BCL11A: variants seen among roughly 807,000 people sequenced by gnomAD.
BCL11A encodes BCL11 transcription factor A, also known as B cell CLL/lymphoma 11A.
In BCL11A, 2 loss-of-function variants were observed where a neutral mutation model predicts 55.9. The ratio of observed to expected loss-of-function variants is 0.04; its 90% CI spans 0.01 to 0.11. The LOEUF (loss-of-function observed/expected upper bound fraction) is 0.11. BCL11A is among the 10% of genes least tolerant of loss of function. The pLI, the probability that BCL11A is intolerant of heterozygous loss-of-function variation, is 1.00. For missense variants in BCL11A, 817 were observed against 1,137.1 expected, an observed-to-expected ratio of 0.72 and a Z score of 4.05; for synonymous variants, 465 against 473.4, an observed-to-expected ratio of 0.98 and a Z score of 0.23.
rs368977479 is a variant in BCL11A at position 60,468,769 on chromosome 2, C to T, written c.450G>A (p.Thr150=). The T allele has an allele frequency of 3.9e-5, 63 of 1,610,688 alleles. No individual in the cohort carries two copies. Among genetic ancestry groups the T allele is most frequent in the East Asian group, 8.9e-5 (4 of 44,754 alleles). Reference sequence around the variant, plus strand: ...GGGCATATTCTGCACTCATCCCAGGCGTGGGGATTAGAGCTCCATGTGCAG... The same window carrying T: ...GGGCATATTCTGCACTCATCCCAGGTGTGGGGATTAGAGCTCCATGTGCAG... The part of the protein sequence containing the change: ...PRSAHGALIP[T]PGMSAEYAPQ... Residue 150 remains threonine (T), a synonymous_variant, in exon 3 of 4, where the codon ACG becomes ACA. Transcript: ENST00000642384.
intron 2 of BCL11A, among the ~76,000 whole-genome samples, chr2:60,519,689 T>C (rs543605965): frequency 3.9e-5 from 6 of 152,314 alleles, no homozygotes; most frequent in African/African-American, 1.4e-4. Flanking sequence ...ATCTTGTAGA[T>C]TTCTGAGGCC....
chr2:60,459,192 G>C lies in BCL11A; in HGVS notation c.*1212C>G. Reference sequence around the variant, plus strand: ...ATTGTCAGCCTCTTCCTTTCAATATGGTATACAAGGTCTTAAAGTTTATCA... The same window carrying C: ...ATTGTCAGCCTCTTCCTTTCAATATCGTATACAAGGTCTTAAAGTTTATCA... On this transcript the variant is annotated 3_prime_UTR_variant, in exon 4 of 4. Transcript: ENST00000642384. 9.8e-7 allele frequency: 1 copy of C among 1,021,828 alleles called. No homozygotes were observed. Among genetic ancestry groups the C allele is most frequent in the Non-Finnish European group, 1.2e-6 (1 of 851,226 alleles). The allele number at this position is 1,021,828 out of a possible 1,614,324, so 63.3% of individuals were successfully genotyped here. A position where few individuals can be genotyped will look rare whatever the true frequency, so the allele number is the denominator to read the frequency against.
rs200397209 is a variant in BCL11A, at chr2:60,521,127, AC to A, written c.385+24843del. Among the ~76,000 whole-genome samples the A allele has an allele frequency of 1.2e-3, 184 of 151,958 alleles. 5 individuals carry two copies. In the East Asian group the frequency reaches 0.032, roughly 26 times the overall value. On this transcript the variant is annotated intron_variant, in intron 2 of 3. Transcript: ENST00000642384. ...CACACACACACACACACACACACTC[AC>A]ACAAATCCTTGAGGGTGCCAGGTTA... is the stretch of plus-strand genomic sequence containing the variant.
chr2:60,472,391 A>C, intron 2 of BCL11A, among the ~76,000 whole-genome samples: 1 of 152,098 alleles, frequency 6.6e-6, no homozygotes, highest in East Asian at 1.9e-4. Context: ...TCTTTTTTCA[A>C]ATGTCTTACA....
intron 1 of BCL11A, among the ~76,000 whole-genome samples, chr2:60,552,533 G>T (rs1670458000): frequency 1.3e-5 from 2 of 152,194 alleles, no homozygotes; most frequent in Admixed American, 1.3e-4. Context: ...TGCCGGCCGC[G>T]TCTCCCGTCC....
At chr2:60,469,830 G>GGA (rs1677100702) in intron 2 of BCL11A, among the ~76,000 whole-genome samples, 1 of 152,198 alleles carries the variant, frequency 6.6e-6, no homozygotes, top group Non-Finnish European at 1.5e-5. Context: ...GAGACAGACT[G>GGA]GAGGATAGAT....
At chr2:60,471,579 C>T (rs971924000) in intron 2 of BCL11A, among the ~76,000 whole-genome samples, 5 of 152,206 alleles carry the variant, frequency 3.3e-5, no homozygotes, top group African/African-American at 4.8e-5. Context: ...TGCTTCTGAG[C>T]GTCAAACTCG....
intron 3 of BCL11A, among the ~76,000 whole-genome samples, chr2:60,462,765 T>C (rs1676388190): frequency 6.6e-6 from 1 of 152,208 alleles, no homozygotes; most frequent in South Asian, 2.1e-4. Flanking sequence ...CAGCTGTAGT[T>C]TGGGGCAAGC....
chr2:60,516,733 C>T (rs1197754011), intron 2 of BCL11A, among the ~76,000 whole-genome samples: 3 of 152,192 alleles, frequency 2.0e-5, no homozygotes, highest in African/African-American at 7.2e-5. Flanking sequence ...GGACACCAAG[C>T]TGAGCATGAG....
chr2:60,466,500 C>A (rs1676622086), intron 3 of BCL11A, among the ~76,000 whole-genome samples: 1 of 152,026 alleles, frequency 6.6e-6, no homozygotes, highest in Non-Finnish European at 1.5e-5. Flanking sequence ...GGGAAGGGAG[C>A]AGATGAGGTG....
chr2:60,517,060 G>A (rs537651401), intron 2 of BCL11A, among the ~76,000 whole-genome samples: 38 of 152,324 alleles, frequency 2.5e-4, no homozygotes, highest in Non-Finnish European at 2.6e-4. Context: ...ATACTTTGTC[G>A]TCTCTGGAAT....
intron 3 of BCL11A, among the ~76,000 whole-genome samples, chr2:60,466,102 G>A (rs1226239403): frequency 6.6e-6 from 1 of 152,140 alleles, no homozygotes; most frequent in East Asian, 1.9e-4. Flanking sequence ...TCCTAAATTG[G>A]TCCTGCCAGC....
chr2:60,462,719 A>T (rs1676386314), intron 3 of BCL11A, among the ~76,000 whole-genome samples: 1 of 152,172 alleles, frequency 6.6e-6, no homozygotes, highest in South Asian at 2.1e-4. Context: ...CATTCTAGGC[A>T]CCTCAACAAA....
intron 2 of BCL11A, among the ~76,000 whole-genome samples, chr2:60,502,471 T>A (rs745585436): frequency 3.3e-5 from 5 of 152,232 alleles, no homozygotes; most frequent in Non-Finnish European, 7.3e-5. Flanking sequence ...TAGCACAGAT[T>A]TGAGCTCTGC....
At chr2:60,471,583 A>C (rs1308201967) in intron 2 of BCL11A, among the ~76,000 whole-genome samples, 1 of 152,238 alleles carries the variant, frequency 6.6e-6, no homozygotes, top group African/African-American at 2.4e-5. Flanking sequence ...TCTGAGCGTC[A>C]AACTCGAGGA....
Position 60,483,146 on chromosome 2 carries a change from A to G in BCL11A, c.386-14313T>C, listed in dbSNP as rs77681766. On this transcript the variant is annotated intron_variant, in intron 2 of 3. Coordinates refer to ENST00000642384, the MANE Select transcript of BCL11A (RefSeq NM_022893.4). ...CTGCAAGGATAGTGTGGGTAGTTGGAGGAGAATCAACACAGGCGAGAGAAG... is the reference window on the plus strand; with the variant it reads ...CTGCAAGGATAGTGTGGGTAGTTGGGGGAGAATCAACACAGGCGAGAGAAG... 4.6e-3 allele frequency among the ~76,000 whole-genome samples: 699 copies of G among 152,320 alleles called. 3 individuals are homozygous for G. Among genetic ancestry groups the G allele is most frequent in the Non-Finnish European group, 6.6e-3 (448 of 68,034 alleles).
In BCL11A at chr2:60,542,079, T is replaced by C. The variant is rs1446857188; in HGVS notation, c.385+3892A>G. 8 of 530,596 alleles carry C rather than the reference T, an allele frequency of 1.5e-5. No individual in the cohort carries two copies. The East Asian group carries it at 2.6e-4, about 17-fold the overall frequency. The allele number at this position is 530,596 out of a possible 1,614,324, so 32.9% of individuals were successfully genotyped here. A position where few individuals can be genotyped will look rare whatever the true frequency, so the allele number is the denominator to read the frequency against. ...CCTTCTTTAGAGTATCTGTCTGATA[T>C]ATCATTATCTAAATACCAGCTATAC... On this transcript the variant is annotated intron_variant, in intron 2 of 3. Transcript: ENST00000642384.
chr2:60,514,873 G>GAAAAAAAA (rs11437234), intron 2 of BCL11A, among the ~76,000 whole-genome samples: 23 of 120,678 alleles, frequency 1.9e-4, no homozygotes, highest in African/African-American at 2.9e-4. Context: ...ACAGAAAAAA[G>GAAAAAAAA]AAAAAAAAAA....
intron 2 of BCL11A, among the ~76,000 whole-genome samples, chr2:60,469,039 T>A (rs1677049309): frequency 6.6e-6 from 1 of 152,264 alleles, no homozygotes; most frequent in Non-Finnish European, 1.5e-5. Context: ...TTCGGTCTTT[T>A]TGACAAAAGT....
Sources: allele counts gnomAD v4.1 joint callset (sites outside exome capture counted in the v4.1 genomes callset), GRCh38; gene constraint gnomAD v4.1.1; transcripts MANE v1.5; gene names NCBI Gene and HGNC (gene_info 2026-07-23, HGNC 2026-07-21).